The following VPS13D variants were observed in gnomAD, a reference collection of about 807,000 sequenced individuals.
VPS13D encodes intermembrane lipid transfer protein VPS13D.
A neutral mutation model predicts 461.9 loss-of-function variants in VPS13D; 187 were observed. The observed-to-expected ratio is 0.40, with a 90% confidence interval of 0.36 to 0.46. VPS13D has a LOEUF of 0.46. Ranked by LOEUF, VPS13D falls within the 20% of genes least tolerant of loss-of-function variation. The pLI, the probability that VPS13D is intolerant of heterozygous loss-of-function variation, is 0.60. For missense variants in VPS13D, 4,711 were observed against 5,364.9 expected, an observed-to-expected ratio of 0.88 and a Z score of 3.81; for synonymous variants, 1,951 against 1,986.3, an observed-to-expected ratio of 0.98 and a Z score of 0.47.
chr1:12,280,462 A>G (rs1441687117), intron 20 of VPS13D, among the ~76,000 whole-genome samples: 1 of 151,336 alleles, frequency 6.6e-6, no homozygotes, highest in Non-Finnish European at 1.5e-5. Flanking sequence ...CCTTAAATCT[A>G]GCATGTGATG....
intron 6 of VPS13D, chr1:12,249,547 C>T: frequency 2.4e-6 from 1 of 411,974 alleles, no homozygotes; most frequent in Non-Finnish European, 4.3e-6. Flanking sequence ...TTGGTTATAT[C>T]ACTTTCATTT....
intron 55 of VPS13D, among the ~76,000 whole-genome samples, chr1:12,377,735 C>T (rs1190916307): frequency 2.0e-5 from 3 of 148,480 alleles, no homozygotes; most frequent in Non-Finnish European, 3.0e-5. Flanking sequence ...CAGGAGAATT[C>T]GCCTGAACCC....
chr1:12,293,472 A>G, intron 23 of VPS13D, 52 bp from the exon 24 acceptor site: 1 of 1,497,354 alleles, frequency 6.7e-7, no homozygotes, highest in Admixed American at 2.1e-5. Flanking sequence ...TTCTTGAAAT[A>G]CTAACTTGTG....
chr1:12,341,755 C>T, intron 40 of VPS13D, 25 bp from the exon 41 acceptor site: 1 of 1,609,420 alleles, frequency 6.2e-7, no homozygotes, highest in Non-Finnish European at 8.5e-7. Flanking sequence ...GGCGTCTGCT[C>T]ATAGCCTTCT....
chr1:12,257,748 T>G (rs1286708144), intron 9 of VPS13D, among the ~76,000 whole-genome samples, 187 bp from the exon 10 acceptor site: 1 of 150,528 alleles, frequency 6.6e-6, no homozygotes, highest in Non-Finnish European at 1.5e-5. Flanking sequence ...TTATTTGATG[T>G]TCTTTGGCAG....
chr1:12,410,573 A>G (rs1644713523), intron 63 of VPS13D, among the ~76,000 whole-genome samples: 1 of 152,166 alleles, frequency 6.6e-6, no homozygotes. Context: ...CCATAGATAA[A>G]CTGGATGTTG....
Position 12,291,253 on chromosome 1 carries a change from A to T in VPS13D, c.5852+129A>T, listed in dbSNP as rs911607816. On this transcript the variant is annotated intron_variant, in intron 23 of 69. Coordinates refer to ENST00000620676, the MANE Select transcript of VPS13D (RefSeq NM_015378.4). ...TTCTTAGAGGTGAAATTGAGAAGTTATGGTTATGAGGAGTTCTTCCTGACT... is the reference window on the plus strand; with the variant it reads ...TTCTTAGAGGTGAAATTGAGAAGTTTTGGTTATGAGGAGTTCTTCCTGACT... 3 of 1,036,676 alleles carry T rather than the reference A, an allele frequency of 2.9e-6. No individual in the cohort carries two copies. The African/African-American group carries it at 4.9e-5, about 17-fold the overall frequency. The allele number at this position is 1,036,676 out of a possible 1,614,324, so 64.2% of individuals were successfully genotyped here. A position where few individuals can be genotyped will look rare whatever the true frequency, so the allele number is the denominator to read the frequency against.
At chr1:12,418,074 T>C (rs777489333) in intron 65 of VPS13D, among the ~76,000 whole-genome samples, 4 of 152,032 alleles carry the variant, frequency 2.6e-5, no homozygotes, top group Non-Finnish European at 5.9e-5. Context: ...ACCCCATTGA[T>C]TTTTTGTATT....
At chr1:12,481,068 A>G (rs1342885655) in intron 67 of VPS13D, among the ~76,000 whole-genome samples, 1 of 152,204 alleles carries the variant, frequency 6.6e-6, no homozygotes, top group Non-Finnish European at 1.5e-5. Context: ...AGAGGGAGAA[A>G]CAAACCCTCA....
intron 60 of VPS13D, among the ~76,000 whole-genome samples, chr1:12,391,478 C>T (rs539972004): frequency 2.0e-5 from 3 of 148,118 alleles, no homozygotes; most frequent in East Asian, 3.9e-4. Flanking sequence ...AGGACCTGCT[C>T]GAGCCCAATC....
At chr1:12,313,006 A>G (rs892488205) in intron 29 of VPS13D, among the ~76,000 whole-genome samples, 19 of 152,174 alleles carry the variant, frequency 1.2e-4, no homozygotes, top group Non-Finnish European at 2.9e-5. Context: ...TGCATTTCAC[A>G]CTTAATAACC....
intron 24 of VPS13D, among the ~76,000 whole-genome samples, chr1:12,298,892 G>T (rs1030748587): frequency 6.6e-6 from 1 of 152,074 alleles, no homozygotes. Context: ...ATAGTTTTAA[G>T]TGTATCCCAC....
intron 67 of VPS13D, among the ~76,000 whole-genome samples, chr1:12,490,587 G>A (rs551979085): frequency 1.6e-4 from 25 of 152,352 alleles, no homozygotes; most frequent in African/African-American, 5.8e-4. Flanking sequence ...GCAGCCTATG[G>A]CATGATGGGA....
intron 20 of VPS13D, among the ~76,000 whole-genome samples, chr1:12,282,153 G>T (rs1641805127): frequency 6.6e-6 from 1 of 152,162 alleles, no homozygotes; most frequent in African/African-American, 2.4e-5. Context: ...CTCTCAAAGG[G>T]CTGGGATTAC....
rs193098541 is a variant in VPS13D at position 12,506,750 on chromosome 1, G to A, written c.12795-103G>A. 6.3e-5 allele frequency: 91 copies of A among 1,445,602 alleles called. 1 individual carries two copies. The South Asian group carries it at 1.1e-3, about 18-fold the overall frequency. 89.5% of individuals were successfully genotyped at this position (1,445,602 alleles called of 1,614,324 possible). A position where few individuals can be genotyped will look rare whatever the true frequency, so the allele number is the denominator to read the frequency against. On this transcript the variant is annotated intron_variant, in intron 68 of 69. Coordinates refer to ENST00000620676, the MANE Select transcript of VPS13D (RefSeq NM_015378.4). ...AAGTATTTCCCGGCAAGGGGGCCGG[G>A]ATTCGCACTCAGGCCCTGGGGCCAC... is the stretch of plus-strand genomic sequence containing the variant.
intron 54 of VPS13D, among the ~76,000 whole-genome samples, chr1:12,370,525 G>C (rs1570025497): frequency 1.3e-5 from 2 of 152,054 alleles, no homozygotes; most frequent in African/African-American, 4.8e-5. Flanking sequence ...ATAATCTCTG[G>C]GTTTTTGCAT....
Position 12,417,471 on chromosome 1 carries a change from T to C in VPS13D, c.12333+644T>C, listed in dbSNP as rs1311807959. Reference sequence around the variant, plus strand: ...TTTGACATACAGCCCTCCAAAGAGCTCTGCTTTTTTTCTCTTCCTTTCATC... The same window carrying C: ...TTTGACATACAGCCCTCCAAAGAGCCCTGCTTTTTTTCTCTTCCTTTCATC... On this transcript the variant is annotated intron_variant, in intron 65 of 69. Coordinates refer to ENST00000620676, the MANE Select transcript of VPS13D (RefSeq NM_015378.4). Among the ~76,000 whole-genome samples, 3 of 152,230 alleles carry C rather than the reference T, an allele frequency of 2.0e-5. No individual in the cohort carries two copies. The East Asian group carries it at 5.8e-4, about 29-fold the overall frequency.
At position 12,277,946 on chromosome 1, in the gene VPS13D, T is replaced by G; in HGVS notation, c.4358T>G (p.Phe1453Cys). ...EAVGSEGSRM[F>C]CPPSGSGSAN... ...GTTGGGTCTGAAGGAAGCCGGATGT[T>G]TTGCCCACCTTCCGGGTCTGGCAGT... Residue 1453 changes from phenylalanine to cysteine, a missense_variant, in exon 19 of 70, where the codon TTT (phenylalanine) becomes TGT (cysteine). By Grantham distance (205) the Phe-to-Cys change is radical. Around this residue, in one of 3 missense-constraint regions of VPS13D, gnomAD observed 4,411 missense variants for 4,937.8 expected, o/e 0.89. Transcript: ENST00000620676. 1 of 1,614,212 alleles carries G rather than the reference T, an allele frequency of 6.2e-7. No homozygotes were observed. The highest frequency in any genetic ancestry group is 8.5e-7 in the Non-Finnish European group (1 of 1,180,028).
rs752345313 is a variant in VPS13D at position 12,356,425 on chromosome 1, A to G, written c.9899A>G (p.Asn3300Ser). The G allele has an allele frequency of 2.3e-5, 37 of 1,614,024 alleles. No individual in the cohort carries two copies. Among genetic ancestry groups the G allele is most frequent in the Non-Finnish European group, 3.1e-5 (36 of 1,179,992 alleles). ...TGLPLIFRQD[N>S]AKTDAAGQFE... Reference sequence around the variant, plus strand: ...TTGCCACTGATCTTCAGACAGGACAATGCCAAGACAGATGCTGCAGGCCAG... The same window carrying G: ...TTGCCACTGATCTTCAGACAGGACAGTGCCAAGACAGATGCTGCAGGCCAG... Residue 3300 changes from asparagine (N) to serine (S), a missense_variant, in exon 49 of 70, where the codon AAT (asparagine) becomes AGT (serine). Around this residue, in one of 3 missense-constraint regions of VPS13D, gnomAD observed 4,411 missense variants for 4,937.8 expected, o/e 0.89. Coordinates refer to ENST00000620676, the MANE Select transcript of VPS13D (RefSeq NM_015378.4).
Sources: allele counts gnomAD v4.1 joint callset (sites outside exome capture counted in the v4.1 genomes callset), GRCh38; gene constraint gnomAD v4.1.1; regional missense constraint gnomAD v4.1.1; transcripts MANE v1.5; gene names NCBI Gene and HGNC (gene_info 2026-07-23, HGNC 2026-07-21).